Variants in CDKL3 observed in about 807,000 individuals in gnomAD.
CDKL3 encodes the protein cyclin-dependent kinase-like 3.
A neutral mutation model predicts 69.3 loss-of-function variants in CDKL3; 65 were observed. The ratio of observed to expected loss-of-function variants is 0.94; its 90% CI spans 0.77 to 1.15. The LOEUF (loss-of-function observed/expected upper bound fraction) is 1.15. Among genes scored for constraint, CDKL3 ranks in the 50% most tolerant of loss-of-function variants. CDKL3 has a pLI of 0.00. For missense variants in CDKL3, 652 were observed against 689.2 expected (o/e 0.95, Z 0.61); for synonymous variants, 202 against 221.6 (o/e 0.91, Z 0.79).
At position 134,364,808 on chromosome 5, in the gene CDKL3, C is replaced by CT. The variant is rs935770246; in HGVS notation, c.165+1550dup. On this transcript the variant is annotated intron_variant, in intron 2 of 12. Transcript: ENST00000265334. ...GATTACAGGCGTGAGCCACAGCGCC[C>CT]TTTTTTTTTTTCTTTTGAGATGGAG... Among the ~76,000 whole-genome samples, 215 of 135,988 alleles carry CT rather than the reference C, an allele frequency of 1.6e-3. 1 individual carries two copies. The highest frequency in any genetic ancestry group is 2.5e-3 in the Non-Finnish European group (161 of 64,052). The allele number at this position is 135,988 out of a possible 152,430, so 89.2% of individuals were successfully genotyped here. A position where few individuals can be genotyped will look rare whatever the true frequency, so the allele number is the denominator to read the frequency against.
At position 134,308,477 on chromosome 5, in the gene CDKL3, T is replaced by C; in HGVS notation, c.1036-11A>G. ...CTCTTTTTCTATTTCCTGGAATAGA[T>C]ACATCCAAAATCTGAGTCATCATAA... is the stretch of plus-strand genomic sequence containing the variant. On this transcript the variant is annotated splice_polypyrimidine_tract_variant and intron_variant, in intron 8 of 12. Transcript: ENST00000265334. 6.3e-7 allele frequency: 1 copy of C among 1,581,072 alleles called. No homozygotes were observed. The highest frequency in any genetic ancestry group is 1.8e-5 in the Admixed American group (1 of 54,968).
At chr5:134,345,392 A>C (rs1435058964) in intron 4 of CDKL3, among the ~76,000 whole-genome samples, 1 of 152,196 alleles carries the variant, frequency 6.6e-6, no homozygotes, top group Non-Finnish European at 1.5e-5. Flanking sequence ...GTCAGGTCAC[A>C]AGGAAAGTAT....
chr5:134,297,568 T>C (rs185988616), downstream of CDKL3, among the ~76,000 whole-genome samples: 5 of 145,046 alleles, frequency 3.4e-5, no homozygotes, highest in East Asian at 9.7e-4. Flanking sequence ...GAATAGTTTT[T>C]TCTTTCTTTT....
At chr5:134,284,710 A>G (rs912038402), downstream of CDKL3, among the ~76,000 whole-genome samples, 1 of 152,190 alleles carries the variant, frequency 6.6e-6, no homozygotes, top group South Asian at 2.1e-4. Context: ...CTGGGAAGGC[A>G]TTCCTTTCCC....
chr5:134,341,715 A>C (rs975656971), intron 4 of CDKL3, among the ~76,000 whole-genome samples: 5 of 152,258 alleles, frequency 3.3e-5, no homozygotes, highest in African/African-American at 1.2e-4. Flanking sequence ...AAGCATGTTC[A>C]AAATGGTGGC....
intron 8 of CDKL3, among the ~76,000 whole-genome samples, chr5:134,290,688 CTGATT>C (rs1765090016): frequency 1.3e-5 from 2 of 151,912 alleles, no homozygotes; most frequent in African/African-American, 2.4e-5. Context: ...ATGACATCAT[CTGATT>C]TAAGTTTTTT....
downstream of CDKL3, among the ~76,000 whole-genome samples, chr5:134,283,484 G>GC (rs1053728560): frequency 1.3e-5 from 2 of 151,978 alleles, no homozygotes; most frequent in Non-Finnish European, 1.5e-5. Context: ...GCAGGATAAC[G>GC]CCCCCTTGTA....
chr5:134,334,769 C>T (rs923899519), intron 4 of CDKL3, among the ~76,000 whole-genome samples: 1 of 152,258 alleles, frequency 6.6e-6, no homozygotes, highest in African/African-American at 2.4e-5. Context: ...TGATGTGGTG[C>T]TGAGAAGAAT....
chr5:134,326,261 A>G (rs1228753035), intron 4 of CDKL3, among the ~76,000 whole-genome samples: 3 of 152,180 alleles, frequency 2.0e-5, no homozygotes, highest in Admixed American at 2.0e-4. Flanking sequence ...TTATCTAGGC[A>G]GGCCTTTCAA....
chr5:134,303,161 G>A (rs1276199422), intron 11 of CDKL3, among the ~76,000 whole-genome samples: 2 of 151,334 alleles, frequency 1.3e-5, no homozygotes, highest in Non-Finnish European at 2.9e-5. Context: ...GCGCGATCTC[G>A]GCTCACTGCA....
At chr5:134,325,310 C>G (rs771985393) in intron 4 of CDKL3, among the ~76,000 whole-genome samples, 24 of 151,998 alleles carry the variant, frequency 1.6e-4, no homozygotes, top group South Asian at 6.2e-4. Flanking sequence ...TAGATAATGA[C>G]CTAAGAAATA....
chr5:134,365,775 C>T (rs1440177777), intron 2 of CDKL3, among the ~76,000 whole-genome samples: 2 of 152,290 alleles, frequency 1.3e-5, no homozygotes, highest in African/African-American at 4.8e-5. Flanking sequence ...GCTCTTTGTC[C>T]TTTCCACTTT....
At chr5:134,326,825 A>ATATATGTGTG (rs1357591288) in intron 4 of CDKL3, among the ~76,000 whole-genome samples, 19 of 104,148 alleles carry the variant, frequency 1.8e-4, no homozygotes, top group African/African-American at 9.8e-4. Context: ...GTGTATATAT[A>ATATATGTGTG]TATATATATA....
At chr5:134,325,927 C>CTTTTTTTTTTT (rs10706943) in intron 4 of CDKL3, among the ~76,000 whole-genome samples, 26 of 82,832 alleles carry the variant, frequency 3.1e-4, no homozygotes, top group African/African-American at 4.3e-4. Flanking sequence ...CCACGCCTGG[C>CTTTTTTTTTTT]TTTTTTTTTT....
At chr5:134,346,879 A>G (rs550998716) in intron 4 of CDKL3, among the ~76,000 whole-genome samples, 451 of 152,290 alleles carry the variant, frequency 3.0e-3, no homozygotes, top group African/African-American at 0.011. Flanking sequence ...GTTCATAATG[A>G]TATTTCTAAA....
At chr5:134,366,893 C>T in intron 1 of CDKL3, 84 bp downstream of exon 1, 1 of 1,001,920 alleles carries the variant, frequency 1.0e-6, no homozygotes, top group Non-Finnish European at 1.2e-6. Flanking sequence ...CGCACTACTG[C>T]AGTCGCCCAC....
chr5:134,305,590 C>A (rs17167438), intron 10 of CDKL3, among the ~76,000 whole-genome samples: 1 of 152,066 alleles, frequency 6.6e-6, no homozygotes, highest in Non-Finnish European at 1.5e-5. Context: ...TCTGGGAAAC[C>A]TTCTGTGTTA....
At chr5:134,368,537 T>G (rs527440381), upstream of CDKL3, among the ~76,000 whole-genome samples, 1 of 138,692 alleles carries the variant, frequency 7.2e-6, no homozygotes, top group East Asian at 2.1e-4. Flanking sequence ...GAGAATGGCG[T>G]GAATCCGGGA....
chr5:134,365,334 G>T (rs911993653), intron 2 of CDKL3, among the ~76,000 whole-genome samples: 2 of 150,588 alleles, frequency 1.3e-5, no homozygotes, highest in Non-Finnish European at 3.0e-5. Flanking sequence ...TGTCCAGGAC[G>T]GTCTTGAACC....
Sources: gnomAD v4.1 joint callset for allele counts (sites outside exome capture counted in the v4.1 genomes callset) on GRCh38, gnomAD v4.1.1 for gene constraint, MANE v1.5 for transcripts, NCBI Gene and HGNC (gene_info 2026-07-23, HGNC 2026-07-21) for gene names.